TAF4: variants seen among roughly 807,000 people sequenced by gnomAD.
The protein encoded by TAF4 is TATA-box binding protein associated factor 4.
Under a neutral mutation model 90.3 loss-of-function variants are expected in TAF4, and 9 were observed. The observed-to-expected ratio is 0.10, with a 90% confidence interval of 0.06 to 0.17. TAF4 has a LOEUF of 0.17. TAF4 is among the 10% of genes least tolerant of loss of function. The pLI is 1.00. For synonymous variants in TAF4, 818 were observed against 638.9 expected, an observed-to-expected ratio of 1.28 and a Z score of -4.23; for missense variants, 1,351 against 1,370.7, an observed-to-expected ratio of 0.99 and a Z score of 0.23.
At chr20:62,014,259 A>G (rs2055800189) in intron 2 of TAF4, among the ~76,000 whole-genome samples, 1 of 151,916 alleles carries the variant, frequency 6.6e-6, no homozygotes, top group Non-Finnish European at 1.5e-5. Context: ...AAGGGGCCAG[A>G]GCGGCCAACC....
chr20:62,062,060 C>T (rs922302319), intron 1 of TAF4, among the ~76,000 whole-genome samples: 1 of 152,224 alleles, frequency 6.6e-6, no homozygotes, highest in Non-Finnish European at 1.5e-5. Context: ...AATTGCCACC[C>T]GTCTGCTACT....
At chr20:61,997,163 T>C (rs2055668487) in intron 14 of TAF4, among the ~76,000 whole-genome samples, 1 of 152,156 alleles carries the variant, frequency 6.6e-6, no homozygotes. Context: ...CGGGCAGCAA[T>C]TCTTCCCCTT....
At position 62,009,874 on chromosome 20, in the gene TAF4, G is replaced by A. The variant is rs28382066; in HGVS notation, c.1761+172C>T. On this transcript the variant is annotated intron_variant, in intron 4 of 14. Coordinates refer to ENST00000252996, the MANE Select transcript of TAF4 (RefSeq NM_003185.4). ...AGGCCCTCGGAGCCCACCTCACACA[G>A]CACAGCAGCAGAGCCCCACGTGCTC... Among the ~76,000 whole-genome samples the A allele has an allele frequency of 4.7e-3, 722 of 152,286 alleles. 8 individuals are homozygous for A. Among genetic ancestry groups the A allele is most frequent in the African/African-American group, 0.017 (695 of 41,564 alleles).
chr20:62,047,700 C>T (rs1444078220), intron 1 of TAF4, among the ~76,000 whole-genome samples: 2 of 152,218 alleles, frequency 1.3e-5, no homozygotes, highest in African/African-American at 4.8e-5. Flanking sequence ...CTGCCGTGAG[C>T]GCAGAGCGCA....
chr20:61,999,012 C>G lies in TAF4; in HGVS notation c.2884G>C (p.Glu962Gln). ...GCTGCCCTCATCAGGATCTCCCGCTCCTGCTCATCCTTCCTCTGCTTTTCG... is the reference window on the plus strand; with the variant it reads ...GCTGCCCTCATCAGGATCTCCCGCTGCTGCTCATCCTTCCTCTGCTTTTCG... Reference protein sequence around the residue: ...QIEKQRKDEQEREILMRAAKS... With the variant: ...QIEKQRKDEQQREILMRAAKS... The change falls in exon 12 of 15, where the codon GAG (glutamate) becomes CAG (glutamine). Residue 962 changes from glutamate (E) to glutamine (Q), a missense_variant. Coordinates refer to ENST00000252996, the MANE Select transcript of TAF4 (RefSeq NM_003185.4). 1 of 1,614,062 alleles carries G rather than the reference C, an allele frequency of 6.2e-7. No individual in the cohort carries two copies. Among genetic ancestry groups the G allele is most frequent in the Non-Finnish European group, 8.5e-7 (1 of 1,180,040 alleles).
intron 1 of TAF4, among the ~76,000 whole-genome samples, chr20:62,046,470 G>A (rs943749757): frequency 3.9e-5 from 6 of 152,122 alleles, no homozygotes; most frequent in Non-Finnish European, 5.9e-5. Flanking sequence ...TTTCCCTCCC[G>A]GCTTCTTGCA....
chr20:61,977,105 C>T (rs1461595164), intron 14 of TAF4, among the ~76,000 whole-genome samples: 20 of 150,852 alleles, frequency 1.3e-4, no homozygotes, highest in Non-Finnish European at 2.1e-4. Context: ...CAGCGGGGCA[C>T]GCGCCACACA....
At chr20:62,011,013 T>C (rs1195783782) in intron 3 of TAF4, among the ~76,000 whole-genome samples, 3 of 152,170 alleles carry the variant, frequency 2.0e-5, no homozygotes, top group Admixed American at 6.5e-5. Context: ...CAGGGGGCAG[T>C]GTAAGCCTGA....
In TAF4 at chr20:61,975,962, T is replaced by C. The variant is rs2055491681; in HGVS notation, c.*206A>G. 2 of 562,436 alleles carry C rather than the reference T, an allele frequency of 3.6e-6. No individual in the cohort carries two copies. The highest frequency in any genetic ancestry group is 6.2e-6 in the Non-Finnish European group (2 of 322,300). 34.8% of individuals were successfully genotyped at this position (562,436 alleles called of 1,614,324 possible). A position where few individuals can be genotyped will look rare whatever the true frequency, so the allele number is the denominator to read the frequency against. ...TCAATCAAGATGAGTTAAGATTTAA[T>C]TGTCCTTTAAGAGTATCCACAGGCC... On this transcript the variant is annotated 3_prime_UTR_variant, in exon 15 of 15. Transcript: ENST00000252996.
intron 1 of TAF4, among the ~76,000 whole-genome samples, chr20:62,017,623 G>A (rs958395585): frequency 2.6e-5 from 4 of 152,328 alleles, no homozygotes; most frequent in African/African-American, 9.6e-5. Flanking sequence ...CTCCAGTCTA[G>A]GCGACAGAGC....
chr20:62,029,473 C>CGT (rs1228810246), intron 1 of TAF4, among the ~76,000 whole-genome samples: 3 of 119,436 alleles, frequency 2.5e-5, no homozygotes, highest in East Asian at 3.3e-4. Context: ...CCAGTGCCCA[C>CGT]GTGCGCGCGC....
intron 1 of TAF4, among the ~76,000 whole-genome samples, chr20:62,039,289 G>A (rs533963844): frequency 2.3e-4 from 35 of 152,292 alleles, no homozygotes; most frequent in South Asian, 6.2e-4. Context: ...CAGAAGTGAC[G>A]TCCTCACACG....
At chr20:62,034,467 G>A (rs186315873) in intron 1 of TAF4, among the ~76,000 whole-genome samples, 426 of 152,146 alleles carry the variant, frequency 2.8e-3, no homozygotes, top group Admixed American at 4.3e-3. Flanking sequence ...GGGACTACAG[G>A]CATGCACCAC....
In TAF4 at chr20:62,065,486, AGG is replaced by A; in HGVS notation, c.323_324del (p.Pro108LeufsTer353). On this transcript the variant is annotated frameshift_variant, in exon 1 of 15. Coordinates refer to ENST00000252996, the MANE Select transcript of TAF4 (RefSeq NM_003185.4). LOFTEE classifies it high-confidence loss of function. ...GCGGGGACAAGGGGGCGGCGCGGTG[AGG>A]GGGGGCCCGGGCGCTGCGGCCCCCC... ...GGGGPQRPGP[P>X]SPRRPLVPAG... 1 of 962,714 alleles carries A rather than the reference AGG, an allele frequency of 1.0e-6. No homozygotes were observed. The highest frequency in any genetic ancestry group is 1.8e-5 in the African/African-American group (1 of 54,228). 59.6% of individuals were successfully genotyped at this position (962,714 alleles called of 1,614,324 possible).
chr20:62,047,218 G>A (rs1019877963), intron 1 of TAF4, among the ~76,000 whole-genome samples: 1 of 152,098 alleles, frequency 6.6e-6, no homozygotes, highest in South Asian at 2.1e-4. Context: ...GTGTCACTAT[G>A]AGCGGGACAC....
intron 14 of TAF4, among the ~76,000 whole-genome samples, chr20:61,992,467 C>CA (rs1392744767): frequency 2.0e-5 from 3 of 151,980 alleles, no homozygotes; most frequent in African/African-American, 7.3e-5. Context: ...TCCAATTCCC[C>CA]ACCCCCCAAG....
intron 3 of TAF4, among the ~76,000 whole-genome samples, chr20:62,011,297 G>C (rs766764757): frequency 6.6e-6 from 1 of 152,152 alleles, no homozygotes; most frequent in Non-Finnish European, 1.5e-5. Context: ...GGAGTACCCA[G>C]GACCCACCTC....
At chr20:61,976,438 A>C (rs2055495321) in intron 14 of TAF4, 103 bp from the exon 15 acceptor site, 1 of 1,401,890 alleles carries the variant, frequency 7.1e-7, no homozygotes, top group South Asian at 1.2e-5. Flanking sequence ...AGAGGAGGCC[A>C]GGCCTGGCAC....
chr20:62,048,223 G>A (rs1303379404), intron 1 of TAF4, among the ~76,000 whole-genome samples: 1 of 152,212 alleles, frequency 6.6e-6, no homozygotes, highest in African/African-American at 2.4e-5. Flanking sequence ...GATGAGAAAG[G>A]GGGCTGCCTC....
Sources: gnomAD v4.1 joint callset for allele counts (sites outside exome capture counted in the v4.1 genomes callset) on GRCh38, gnomAD v4.1.1 for gene constraint, MANE v1.5 for transcripts, NCBI Gene and HGNC (gene_info 2026-07-23, HGNC 2026-07-21) for gene names.